Variants in TM4SF4 observed in about 807,000 individuals in gnomAD.
The protein encoded by TM4SF4 is transmembrane 4 L6 family member 4.
Under a neutral mutation model 24.1 loss-of-function variants are expected in TM4SF4, and 24 were observed. The ratio of observed to expected loss-of-function variants is 1.00; its 90% CI spans 0.72 to 1.40. The LOEUF (loss-of-function observed/expected upper bound fraction) is 1.40. Among genes scored for constraint, TM4SF4 ranks in the 40% most tolerant of loss-of-function variants. The pLI is 0.00. For missense variants in TM4SF4, 254 were observed against 254.2 expected, an observed-to-expected ratio of 1.00 and a Z score of 0.01; for synonymous variants, 113 against 97.0, an observed-to-expected ratio of 1.17 and a Z score of -0.97.
chr3:149,489,771 C>A (rs1734180126), intron 3 of TM4SF4, among the ~76,000 whole-genome samples: 1 of 151,706 alleles, frequency 6.6e-6, no homozygotes, highest in Non-Finnish European at 1.5e-5. Context: ...TTTTATCTAC[C>A]CCTCACAACA....
chr3:149,495,392 A>C, intron 3 of TM4SF4: 2 of 333,180 alleles, frequency 6.0e-6, no homozygotes, highest in South Asian at 5.9e-5. Flanking sequence ...CTGCCCCTCC[A>C]GATGTCTACA....
intron 3 of TM4SF4, among the ~76,000 whole-genome samples, chr3:149,493,600 C>T (rs9843304): frequency 0.43 from 66,126 of 152,100 alleles, 16,658 homozygotes; most frequent in South Asian, 0.58. Flanking sequence ...TAGCCCAGAG[C>T]CTGGCACTAG....
chr3:149,498,974 A>G (rs9799336), intron 4 of TM4SF4, 63 bp downstream of exon 4: 141,244 of 1,560,864 alleles, frequency 0.09, 11,165 homozygotes, highest in East Asian at 0.39. Context: ...CCACTAGCAT[A>G]AGGGAGGCCA....
At chr3:149,493,314 A>T (rs977262495) in intron 3 of TM4SF4, among the ~76,000 whole-genome samples, 38 of 152,342 alleles carry the variant, frequency 2.5e-4, no homozygotes, top group African/African-American at 9.1e-4. Context: ...TAGATGTATA[A>T]ATCAAATGTC....
chr3:149,484,791 A>T (rs1482654124), intron 2 of TM4SF4, among the ~76,000 whole-genome samples: 1 of 152,100 alleles, frequency 6.6e-6, no homozygotes, highest in Non-Finnish European at 1.5e-5. Flanking sequence ...TGACCTCGTG[A>T]TCCACCAGCC....
intron 3 of TM4SF4, among the ~76,000 whole-genome samples, chr3:149,489,705 C>A (rs1052663763): frequency 7.2e-5 from 11 of 152,210 alleles, no homozygotes; most frequent in Admixed American, 4.6e-4. Flanking sequence ...AGTTTTCATT[C>A]TCATTGCAGC....
intron 3 of TM4SF4, among the ~76,000 whole-genome samples, chr3:149,490,361 T>G (rs1734188853): frequency 6.6e-6 from 1 of 152,260 alleles, no homozygotes; most frequent in Non-Finnish European, 1.5e-5. Flanking sequence ...TGGCAATAAT[T>G]GAAACTTCTA....
chr3:149,495,178 A>C (rs1262130374), intron 3 of TM4SF4: 1 of 201,900 alleles, frequency 5.0e-6, no homozygotes, highest in Non-Finnish European at 1.0e-5. Context: ...TTACATTAAG[A>C]AAATTGGCTA....
intron 3 of TM4SF4, among the ~76,000 whole-genome samples, chr3:149,488,658 A>C (rs1224699779): frequency 6.6e-6 from 1 of 152,212 alleles, no homozygotes; most frequent in Non-Finnish European, 1.5e-5. Context: ...GTTTGTAGCT[A>C]CTGTATTGAA....
At chr3:149,475,106 CT>C in intron 1 of TM4SF4, 55 bp downstream of exon 1, 2 of 1,539,594 alleles carry the variant, frequency 1.3e-6, no homozygotes, top group Non-Finnish European at 8.8e-7. Flanking sequence ...CCCCACAATC[CT>C]TTTTAAATCA....
intron 2 of TM4SF4, among the ~76,000 whole-genome samples, chr3:149,484,273 C>T (rs1349792099): frequency 1.3e-5 from 2 of 152,188 alleles, no homozygotes; most frequent in Non-Finnish European, 2.9e-5. Flanking sequence ...AATATCAATT[C>T]TCATAAGACA....
chr3:149,485,666 TG>T (rs1239060539), intron 2 of TM4SF4, among the ~76,000 whole-genome samples: 1 of 152,150 alleles, frequency 6.6e-6, no homozygotes, highest in Non-Finnish European at 1.5e-5. Context: ...TGGTGGTGCA[TG>T]CCTGTAGTCC....
chr3:149,479,897 G>A (rs538520245), intron 2 of TM4SF4, among the ~76,000 whole-genome samples: 3 of 152,214 alleles, frequency 2.0e-5, no homozygotes, highest in East Asian at 1.9e-4. Flanking sequence ...CCCTTTCCTC[G>A]GGTAGCAAAA....
intron 2 of TM4SF4, among the ~76,000 whole-genome samples, chr3:149,483,700 A>G (rs1373424574): frequency 6.6e-6 from 1 of 152,226 alleles, no homozygotes. Context: ...TTTCAGTGAC[A>G]TAAACATATT....
At chr3:149,493,725 G>A (rs12633863) in intron 3 of TM4SF4, among the ~76,000 whole-genome samples, 66,094 of 152,058 alleles carry the variant, frequency 0.43, 16,641 homozygotes, top group South Asian at 0.58. Flanking sequence ...CCTGAAGAGA[G>A]GACAAACAAA....
chr3:149,502,736 C>G lies in TM4SF4; in HGVS notation c.*43C>G, dbSNP rs757745271. ...CTCAGACTCTACAGCATGACGACTA[C>G]AATTTCTTTTCATAAAACTTCTTCT... On this transcript the variant is annotated 3_prime_UTR_variant, in exon 5 of 5. Transcript: ENST00000305354. 2 of 1,468,210 alleles carry G rather than the reference C, an allele frequency of 1.4e-6. No homozygotes were observed. Among genetic ancestry groups the G allele is most frequent in the East Asian group, 4.7e-5 (2 of 42,800 alleles). 90.9% of individuals were successfully genotyped at this position (1,468,210 alleles called of 1,614,324 possible).
intron 3 of TM4SF4, among the ~76,000 whole-genome samples, chr3:149,494,140 T>C (rs1734267786): frequency 6.6e-6 from 1 of 152,052 alleles, no homozygotes; most frequent in African/African-American, 2.4e-5. Context: ...GTTTGGGGAG[T>C]TGGACACAGT....
At position 149,474,727 on chromosome 3, in the gene TM4SF4, C is replaced by A; in HGVS notation, c.-151C>A. On this transcript the variant is annotated 5_prime_UTR_variant, in exon 1 of 5. Coordinates refer to ENST00000305354, the MANE Select transcript of TM4SF4 (RefSeq NM_004617.4). Reference sequence around the variant, plus strand: ...TGAGAAGCTGAAGCAACTCCAAGGACACAGTTCACAGAAATTTGGTTCTCA... The same window carrying A: ...TGAGAAGCTGAAGCAACTCCAAGGAAACAGTTCACAGAAATTTGGTTCTCA... 1 of 701,884 alleles carries A rather than the reference C, an allele frequency of 1.4e-6. No individual in the cohort carries two copies. The highest frequency in any genetic ancestry group is 2.4e-5 in the South Asian group (1 of 41,600). 43.5% of individuals were successfully genotyped at this position (701,884 alleles called of 1,614,324 possible).
intron 2 of TM4SF4, among the ~76,000 whole-genome samples, chr3:149,481,547 T>G (rs570240358): frequency 1.5e-4 from 23 of 152,334 alleles, no homozygotes; most frequent in Non-Finnish European, 2.8e-4. Flanking sequence ...AGGATATTAA[T>G]TTTTAAGAAG....
Sources: gnomAD v4.1 joint callset for allele counts (sites outside exome capture counted in the v4.1 genomes callset) on GRCh38, gnomAD v4.1.1 for gene constraint, MANE v1.5 for transcripts, NCBI Gene and HGNC (gene_info 2026-07-23, HGNC 2026-07-21) for gene names.